The following FGF14 variants were observed in gnomAD, a reference collection of about 807,000 sequenced individuals.
The protein encoded by FGF14 is fibroblast growth factor homologous factor 4.
In FGF14, 5 loss-of-function variants were observed where a neutral mutation model predicts 25.5. That is an observed-to-expected ratio of 0.20 (90% CI 0.10 to 0.41). FGF14 has a LOEUF of 0.41. Ranked by LOEUF, FGF14 falls within the 10% of genes least tolerant of loss-of-function variation. FGF14 has a pLI of 1.00. For synonymous variants in FGF14, 138 were observed against 118.3 expected (o/e 1.17, Z -1.08); for missense variants, 222 against 320.1 (o/e 0.69, Z 2.34).
intron 1 of FGF14, among the ~76,000 whole-genome samples, chr13:102,258,208 C>T (rs1234002620): frequency 6.6e-6 from 1 of 152,134 alleles, no homozygotes; most frequent in Non-Finnish European, 1.5e-5. Flanking sequence ...CCAGGTCCCT[C>T]CCATAACACG....
At chr13:102,270,046 G>T (rs912584720) in intron 1 of FGF14, among the ~76,000 whole-genome samples, 1 of 151,900 alleles carries the variant, frequency 6.6e-6, no homozygotes, top group Non-Finnish European at 1.5e-5. Flanking sequence ...AAAATTCTCT[G>T]GTCTTAAATG....
At chr13:102,284,097 A>G (rs765035660) in intron 1 of FGF14, among the ~76,000 whole-genome samples, 2 of 152,236 alleles carry the variant, frequency 1.3e-5, no homozygotes, top group African/African-American at 4.8e-5. Flanking sequence ...CTGGAACTTC[A>G]GGCAACACTG....
At chr13:101,982,414 T>C (rs867248075) in intron 1 of FGF14, among the ~76,000 whole-genome samples, 1 of 152,192 alleles carries the variant, frequency 6.6e-6, no homozygotes, top group Admixed American at 6.5e-5. Context: ...TTTAAAATGC[T>C]GCAGAGTAAG....
intron 3 of FGF14, among the ~76,000 whole-genome samples, chr13:101,746,146 C>G (rs1292314301): frequency 6.6e-6 from 1 of 151,986 alleles, no homozygotes; most frequent in African/African-American, 2.4e-5. Context: ...CTGAACCCAA[C>G]CCTCTCAAAT....
intron 3 of FGF14, among the ~76,000 whole-genome samples, chr13:101,796,763 C>T (rs2140115485): frequency 6.6e-6 from 1 of 152,090 alleles, no homozygotes; most frequent in East Asian, 1.9e-4. Context: ...TTCAGAATTC[C>T]AGCCTCCAAA....
intron 3 of FGF14, among the ~76,000 whole-genome samples, chr13:101,787,626 T>C: frequency 6.6e-6 from 1 of 152,170 alleles, no homozygotes; most frequent in East Asian, 1.9e-4. Flanking sequence ...CCTCAGAGCA[T>C]GTCAGCTGCA....
intron 1 of FGF14, among the ~76,000 whole-genome samples, chr13:101,901,321 T>G (rs1473666705): frequency 6.6e-6 from 1 of 152,164 alleles, no homozygotes; most frequent in Non-Finnish European, 1.5e-5. Flanking sequence ...AGTAGTGACT[T>G]CCAAATCTGA....
chr13:101,935,010 T>C (rs891158038), intron 1 of FGF14, among the ~76,000 whole-genome samples: 38 of 152,248 alleles, frequency 2.5e-4, no homozygotes, highest in African/African-American at 9.2e-4. Context: ...CTTTTTCATC[T>C]TGCATAACTT....
chr13:102,146,800 C>T (rs2046873884), intron 1 of FGF14, among the ~76,000 whole-genome samples: 1 of 152,050 alleles, frequency 6.6e-6, no homozygotes, highest in African/African-American at 2.4e-5. Flanking sequence ...TTCCAACCAG[C>T]CCTGGTAATC....
chr13:102,154,312 G>C (rs1326922628), intron 1 of FGF14, among the ~76,000 whole-genome samples: 4 of 151,688 alleles, frequency 2.6e-5, no homozygotes, highest in African/African-American at 4.9e-5. Context: ...ACTAACAGCG[G>C]ATCTCTCGGC....
chr13:101,806,612 A>G (rs2041220131), intron 3 of FGF14, among the ~76,000 whole-genome samples: 1 of 152,258 alleles, frequency 6.6e-6, no homozygotes, highest in East Asian at 1.9e-4. Context: ...AAAAAGGGAC[A>G]CAGCTTTAAA....
chr13:102,021,397 C>T (rs1280311434), intron 1 of FGF14, among the ~76,000 whole-genome samples: 1 of 151,726 alleles, frequency 6.6e-6, no homozygotes, highest in Non-Finnish European at 1.5e-5. Flanking sequence ...TCGTGAACTC[C>T]TCACTCCCTA....
At chr13:102,114,647 T>C (rs1216075187) in intron 1 of FGF14, among the ~76,000 whole-genome samples, 1 of 152,184 alleles carries the variant, frequency 6.6e-6, no homozygotes, top group African/African-American at 2.4e-5. Context: ...TGGAATACCA[T>C]TCGGCTTTAA....
Position 101,830,472 on chromosome 13 carries a change from A to G in FGF14, c.408+38253T>C, listed in dbSNP as rs114110684. Among the ~76,000 whole-genome samples, 972 of 152,148 alleles carry G rather than the reference A, an allele frequency of 6.4e-3. 11 individuals are homozygous for G. Among genetic ancestry groups the G allele is most frequent in the African/African-American group, 0.022 (906 of 41,518 alleles). On this transcript the variant is annotated intron_variant, in intron 3 of 4. Coordinates refer to ENST00000376143, the MANE Select transcript of FGF14 (RefSeq NM_004115.4). The stretch of plus-strand genomic sequence containing the variant: ...GAGACAAGAAGGACTAAATTCAGGA[A>G]ATAAATTTAGTTACCGGTTGTACAT...
chr13:101,908,770 C>T (rs1238298530), intron 1 of FGF14, among the ~76,000 whole-genome samples: 1 of 152,282 alleles, frequency 6.6e-6, no homozygotes, highest in South Asian at 2.1e-4. Context: ...CAAAAAAGAG[C>T]CCGCATTGCT....
intron 1 of FGF14, among the ~76,000 whole-genome samples, chr13:102,087,830 C>A (rs1414941042): frequency 6.6e-6 from 1 of 151,166 alleles, no homozygotes; most frequent in African/African-American, 2.4e-5. Flanking sequence ...TTCTCTGTGT[C>A]AGATAATACA....
intron 1 of FGF14, among the ~76,000 whole-genome samples, chr13:101,882,355 A>C (rs894599906): frequency 3.3e-5 from 5 of 152,000 alleles, no homozygotes; most frequent in African/African-American, 7.2e-5. Flanking sequence ...AACCAAAGAC[A>C]TCTGTCGAAA....
At chr13:101,907,057 A>G (rs760808172) in intron 1 of FGF14, among the ~76,000 whole-genome samples, 2 of 152,166 alleles carry the variant, frequency 1.3e-5, no homozygotes, top group South Asian at 4.1e-4. Flanking sequence ...TTGCTATGAT[A>G]GTAATTAAGG....
At chr13:102,323,983 G>A (rs2056335903) in intron 1 of FGF14, among the ~76,000 whole-genome samples, 1 of 151,560 alleles carries the variant, frequency 6.6e-6, no homozygotes, top group African/African-American at 2.4e-5. Context: ...GTGTGTGTGT[G>A]TGTGTGTGTG....
Sources: allele counts gnomAD v4.1 joint callset (sites outside exome capture counted in the v4.1 genomes callset), GRCh38; gene constraint gnomAD v4.1.1; transcripts MANE v1.5; gene names NCBI Gene and HGNC (gene_info 2026-07-23, HGNC 2026-07-21).